PTPN5: variants seen among roughly 807,000 people sequenced by gnomAD.
PTPN5 encodes tyrosine-protein phosphatase non-receptor type 5.
PTPN5 carries 29 observed loss-of-function variants against 73.9 expected under a neutral mutation model. The ratio of observed to expected loss-of-function variants is 0.39; its 90% CI spans 0.29 to 0.54. The LOEUF (loss-of-function observed/expected upper bound fraction) is 0.54. PTPN5 is among the 20% of genes least tolerant of loss of function. The probability of loss-of-function intolerance (pLI) is 0.65; values close to 1 mark genes in which losing one functional copy is unlikely to be tolerated. For missense variants in PTPN5, 652 were observed against 751.4 expected, an observed-to-expected ratio of 0.87 and a Z score of 1.55; for synonymous variants, 267 against 304.7, an observed-to-expected ratio of 0.88 and a Z score of 1.29.
chr11:18,774,328 A>G (rs946201816), intron 1 of PTPN5, among the ~76,000 whole-genome samples: 1 of 152,192 alleles, frequency 6.6e-6, no homozygotes, highest in Admixed American at 6.5e-5. Flanking sequence ...GTGGGGAAGC[A>G]GGTGTAGACA....
chr11:18,729,985 CA>C lies in PTPN5; in HGVS notation c.1330-168del. ...CCACATTGCCCAGTGGCACCAGACACAGACCCAAAGCCAGCTTGGTTTTGGG... is the reference window on the plus strand; with the variant it reads ...CCACATTGCCCAGTGGCACCAGACACGACCCAAAGCCAGCTTGGTTTTGGG... On this transcript the variant is annotated intron_variant, in intron 12 of 14. Coordinates refer to ENST00000358540, the MANE Select transcript of PTPN5 (RefSeq NM_006906.2). This position sits in a 1 kb window ranked among gnomAD's most constrained non-coding sequence, Gnocchi z 5.2. 1 of 894,512 alleles carries C rather than the reference CA, an allele frequency of 1.1e-6. No homozygotes were observed. Among genetic ancestry groups the C allele is most frequent in the Non-Finnish European group, 1.7e-6 (1 of 572,798 alleles). 55.4% of individuals were successfully genotyped at this position (894,512 alleles called of 1,614,324 possible). A position where few individuals can be genotyped will look rare whatever the true frequency, so the allele number is the denominator to read the frequency against.
intron 1 of PTPN5, among the ~76,000 whole-genome samples, chr11:18,790,842 C>T (rs1417633882): frequency 6.6e-6 from 1 of 152,142 alleles, no homozygotes; most frequent in African/African-American, 2.4e-5. Flanking sequence ...CCTTACTGGG[C>T]CTCAGTTTCC....
intron 3 of PTPN5, among the ~76,000 whole-genome samples, chr11:18,756,107 A>C (rs1346521151): frequency 6.6e-6 from 1 of 151,970 alleles, no homozygotes; most frequent in Non-Finnish European, 1.5e-5. Context: ...TGGTCCTCAG[A>C]AGAAGGATGC....
At chr11:18,788,350 A>G (rs956943424) in intron 1 of PTPN5, among the ~76,000 whole-genome samples, 10 of 152,020 alleles carry the variant, frequency 6.6e-5, no homozygotes, top group Non-Finnish European at 1.5e-5. Context: ...CCACTCAAAA[A>G]CTAAAGACTC....
intron 8 of PTPN5, chr11:18,740,367 GTTATAA>G (rs1849308435): frequency 2.7e-6 from 1 of 375,424 alleles, no homozygotes; most frequent in Non-Finnish European, 4.8e-6. Flanking sequence ...CTCTGCACAT[GTTATAA>G]GTCTCTTTAA....
intron 1 of PTPN5, among the ~76,000 whole-genome samples, chr11:18,774,852 G>C (rs909346319): frequency 6.6e-6 from 1 of 152,230 alleles, no homozygotes; most frequent in Non-Finnish European, 1.5e-5. Flanking sequence ...TCAGGTTGGT[G>C]AGGATGGAAG....
At chr11:18,755,777 G>A (rs373791116) in intron 3 of PTPN5, among the ~76,000 whole-genome samples, 36 of 152,108 alleles carry the variant, frequency 2.4e-4, no homozygotes, top group African/African-American at 8.4e-4. Flanking sequence ...AGGCCGAGGC[G>A]GGCAGATCAC....
chr11:18,734,410 T>C (rs374627177), intron 9 of PTPN5, among the ~76,000 whole-genome samples: 263 of 152,306 alleles, frequency 1.7e-3, no homozygotes, highest in African/African-American at 5.9e-3. Context: ...CTCAAACTCC[T>C]GGGCCCAAGT....
rs577951962 is a variant in PTPN5, at chr11:18,776,368, A to AC, written c.-113-4298dup. Among the ~76,000 whole-genome samples, 254 of 150,638 alleles carry AC rather than the reference A, an allele frequency of 1.7e-3. 1 individual carries two copies. Among genetic ancestry groups the AC allele is most frequent in the African/African-American group, 5.5e-3 (223 of 40,874 alleles). ...GTTCAAATGTCACCTCCTCAATAGAACCCTCCCCAACTCCCTTAGGAAGAA... is the reference window on the plus strand; with the variant it reads ...GTTCAAATGTCACCTCCTCAATAGAACCCCTCCCCAACTCCCTTAGGAAGAA... On this transcript the variant is annotated intron_variant, in intron 1 of 14. Coordinates refer to ENST00000358540, the MANE Select transcript of PTPN5 (RefSeq NM_006906.2).
At chr11:18,754,742 C>A (rs780675101) in intron 3 of PTPN5, among the ~76,000 whole-genome samples, 15 of 152,244 alleles carry the variant, frequency 9.9e-5, no homozygotes, top group Non-Finnish European at 1.9e-4. Flanking sequence ...CATCCATACT[C>A]TTGCCTCACT....
chr11:18,771,339 CT>C (rs1302592132), intron 2 of PTPN5, among the ~76,000 whole-genome samples: 4 of 152,214 alleles, frequency 2.6e-5, no homozygotes, highest in African/African-American at 9.6e-5. Flanking sequence ...TCCTTTTCCC[CT>C]TTTGTCAAAT....
chr11:18,791,171 A>G (rs1279194403), intron 1 of PTPN5, among the ~76,000 whole-genome samples: 2 of 152,210 alleles, frequency 1.3e-5, no homozygotes, highest in African/African-American at 4.8e-5. Context: ...CAGGGGCTTC[A>G]GGCTCCGGAG....
chr11:18,769,135 G>A (rs190020469), intron 2 of PTPN5, among the ~76,000 whole-genome samples: 5 of 152,306 alleles, frequency 3.3e-5, no homozygotes, highest in African/African-American at 7.2e-5. Context: ...AGCCATCGTC[G>A]CATTCAACAG....
At chr11:18,791,941 G>T (rs1435478829), upstream of PTPN5, 2 of 152,212 alleles carry the variant, frequency 1.3e-5, no homozygotes, top group Non-Finnish European at 2.9e-5. Context: ...GGGGCACGAA[G>T]GGGGCCGGAT....
chr11:18,788,166 T>G (rs2134378415), intron 1 of PTPN5, among the ~76,000 whole-genome samples: 1 of 152,286 alleles, frequency 6.6e-6, no homozygotes, highest in South Asian at 2.1e-4. Context: ...TCAACTCCTT[T>G]TTCTAACCAT....
intron 3 of PTPN5, among the ~76,000 whole-genome samples, chr11:18,759,900 G>T (rs573216026): frequency 8.5e-4 from 129 of 151,498 alleles, no homozygotes; most frequent in African/African-American, 3.0e-3. Context: ...GGGGAGCTTT[G>T]TGAAAACAGG....
intron 1 of PTPN5, among the ~76,000 whole-genome samples, chr11:18,776,684 G>C (rs1438696028): frequency 6.6e-6 from 1 of 152,160 alleles, no homozygotes; most frequent in Non-Finnish European, 1.5e-5. Flanking sequence ...TAGTTGGTAT[G>C]TTGCAGAACC....
chr11:18,779,537 C>T (rs1851324972), intron 1 of PTPN5, among the ~76,000 whole-genome samples: 1 of 152,092 alleles, frequency 6.6e-6, no homozygotes, highest in Non-Finnish European at 1.5e-5. Flanking sequence ...CCCATGAAAA[C>T]ATCATTATCT....
intron 1 of PTPN5, among the ~76,000 whole-genome samples, chr11:18,774,471 G>C (rs552772011): frequency 2.4e-4 from 36 of 152,368 alleles, no homozygotes; most frequent in African/African-American, 8.4e-4. Context: ...CTGGTCCAAA[G>C]GTCCAGTATG....
Sources: gnomAD v4.1 joint callset for allele counts (sites outside exome capture counted in the v4.1 genomes callset) on GRCh38, gnomAD v4.1.1 for gene constraint, Gnocchi (gnomAD v3.1) non-coding constraint, MANE v1.5 for transcripts, NCBI Gene and HGNC (gene_info 2026-07-23, HGNC 2026-07-21) for gene names.